The following C8B variants were observed in gnomAD, a reference collection of about 807,000 sequenced individuals.
C8B encodes complement C8 beta chain, also known as complement component C8 beta chain.
C8B carries 67 observed loss-of-function variants against 64.6 expected under a neutral mutation model. That is an observed-to-expected ratio of 1.04 (90% confidence interval 0.85 to 1.27). The LOEUF (loss-of-function observed/expected upper bound fraction) is 1.27. Ranked by LOEUF, C8B falls within the 50% of genes most tolerant of loss-of-function variation. The pLI is 0.00. For synonymous variants in C8B, 284 were observed against 257.7 expected (o/e 1.10, Z -0.98); for missense variants, 790 against 725.2 (o/e 1.09, Z -1.03).
intron 11 of C8B, 76 bp from the exon 12 acceptor site, chr1:56,929,634 T>C: frequency 2.1e-6 from 3 of 1,448,160 alleles, no homozygotes; most frequent in Non-Finnish European, 2.9e-6. Context: ...GGGTGAGCTA[T>C]GTAAGCCAAA....
At chr1:56,960,656 T>A (rs532172148) in intron 1 of C8B, among the ~76,000 whole-genome samples, 1 of 152,182 alleles carries the variant, frequency 6.6e-6, no homozygotes, top group African/African-American at 2.4e-5. Context: ...GCCTGAATCA[T>A]GGCAATGGCC....
At position 56,929,295 on chromosome 1, in the gene C8B, C is replaced by T. The variant is rs1644659799; in HGVS notation, c.*109G>A. 8.8e-7 allele frequency: 1 copy of T among 1,137,734 alleles called. No homozygotes were observed. The highest frequency in any genetic ancestry group is 1.7e-5 in the Admixed American group (1 of 59,278). The allele number at this position is 1,137,734 out of a possible 1,614,324, so 70.5% of individuals were successfully genotyped here. ...TTTTAAACAGCTTGCATGGCACTGC[C>T]TTTTGCCCTTGCATGAACTCCAGGT... On this transcript the variant is annotated 3_prime_UTR_variant, in exon 12 of 12. Coordinates refer to ENST00000371237, the MANE Select transcript of C8B (RefSeq NM_000066.4).
At chr1:56,948,476 A>G (rs961874513) in intron 6 of C8B, among the ~76,000 whole-genome samples, 2 of 152,136 alleles carry the variant, frequency 1.3e-5, no homozygotes, top group African/African-American at 4.8e-5. Flanking sequence ...TAGGAAGAAG[A>G]CATTGCCTTG....
At chr1:56,962,423 G>A (rs1645192297) in intron 1 of C8B, among the ~76,000 whole-genome samples, 1 of 152,146 alleles carries the variant, frequency 6.6e-6, no homozygotes, top group Admixed American at 6.5e-5. Context: ...CTAACGAGGA[G>A]CCACATAAAT....
chr1:56,943,732 C>T lies in C8B; in HGVS notation c.1198G>A (p.Val400Ile). The T allele has an allele frequency of 6.2e-7, 1 of 1,614,130 alleles. No homozygotes were observed. The highest frequency in any genetic ancestry group is 1.1e-5 in the South Asian group (1 of 91,074). ...TTCAGAATACCTCTGCATTTGCCTA[C>T]AGACACACCCAGACTGACGTAGACC... is the stretch of plus-strand genomic sequence containing the variant. ...EEVYVSLGVS[V>I]GKCRGILNEI... is the part of the protein sequence containing the mutation. Residue 400 changes from valine (V) to isoleucine (I), a missense_variant, in exon 8 of 12, where the codon GTA (valine) becomes ATA (isoleucine). Coordinates refer to ENST00000371237, the MANE Select transcript of C8B (RefSeq NM_000066.4).
chr1:56,950,629 C>T (rs764264184), intron 5 of C8B, among the ~76,000 whole-genome samples: 7 of 152,100 alleles, frequency 4.6e-5, no homozygotes, highest in South Asian at 2.1e-4. Context: ...AGGAGCAGTT[C>T]GGACATGGTC....
At chr1:56,954,968 T>A (rs752567306) in intron 3 of C8B, 141 bp from the exon 4 acceptor site, 1 of 956,560 alleles carries the variant, frequency 1.0e-6, no homozygotes, top group African/African-American at 1.6e-5. Context: ...TGTATCCAGA[T>A]AGATTGGTTA....
At chr1:56,950,777 G>A (rs1245476655) in intron 5 of C8B, among the ~76,000 whole-genome samples, 1 of 152,238 alleles carries the variant, frequency 6.6e-6, no homozygotes, top group Non-Finnish European at 1.5e-5. Context: ...CATCAGGCTT[G>A]TTCTGAGGAT....
intron 1 of C8B, among the ~76,000 whole-genome samples, chr1:56,964,831 G>A (rs1280992922): frequency 3.9e-5 from 6 of 152,124 alleles, no homozygotes; most frequent in Admixed American, 2.0e-4. Flanking sequence ...CCTCCATTCC[G>A]GAGACATTTT....
At chr1:56,946,596 A>T (rs1203126579) in intron 6 of C8B, among the ~76,000 whole-genome samples, 1 of 152,220 alleles carries the variant, frequency 6.6e-6, no homozygotes, top group Non-Finnish European at 1.5e-5. Context: ...ACGGTTTACA[A>T]CTGGTGTCAC....
Position 56,941,154 on chromosome 1 carries a change from C to T in C8B, c.1235-142G>A, listed in dbSNP as rs957637537. The T allele has an allele frequency of 2.9e-5, 27 of 940,408 alleles. No homozygotes were observed. The Admixed American group carries it at 4.4e-4, about 15-fold the overall frequency. 58.3% of individuals were successfully genotyped at this position (940,408 alleles called of 1,614,324 possible). A position where few individuals can be genotyped will look rare whatever the true frequency, so the allele number is the denominator to read the frequency against. ...TGGGTGGACCAGACACTTCCTTGTCCACAGGGCAGTCATGGTGCATGGGGC... is the reference window on the plus strand; with the variant it reads ...TGGGTGGACCAGACACTTCCTTGTCTACAGGGCAGTCATGGTGCATGGGGC... On this transcript the variant is annotated intron_variant, in intron 8 of 11. Coordinates refer to ENST00000371237, the MANE Select transcript of C8B (RefSeq NM_000066.4).
intron 4 of C8B, among the ~76,000 whole-genome samples, 193 bp downstream of exon 4, chr1:56,954,493 T>TTGTTATTGCATTCTTATCAAATCCCTG (rs1645072219): frequency 6.6e-6 from 1 of 152,138 alleles, no homozygotes; most frequent in East Asian, 1.9e-4. Context: ...CCTATATCTG[T>TTGTTATTGCATTCTTATCAAATCCCTG]CCATGGGACG....
At chr1:56,947,919 A>C (rs145392333) in intron 6 of C8B, among the ~76,000 whole-genome samples, 1 of 151,352 alleles carries the variant, frequency 6.6e-6, no homozygotes, top group African/African-American at 2.4e-5. Flanking sequence ...CAACAGAGCA[A>C]GACTCTGTCT....
chr1:56,945,848 T>C lies in C8B; in HGVS notation c.1078A>G (p.Met360Val), dbSNP rs1008727721. ...CCTCTCTCCATGGCCTCTTTGTTCA[T>C]AACGAGGGTGTATTCATAAATGCCC... ...LGGIYEYTLV[M>V]NKEAMERGDY... Residue 360 changes from methionine (M) to valine (V), a missense_variant, in exon 7 of 12, where the codon ATG becomes GTG. Transcript: ENST00000371237. 1 of 1,613,994 alleles carries C rather than the reference T, an allele frequency of 6.2e-7. No individual in the cohort carries two copies. Among genetic ancestry groups the C allele is most frequent in the Non-Finnish European group, 8.5e-7 (1 of 1,180,006 alleles).
intron 11 of C8B, 43 bp from the exon 12 acceptor site, chr1:56,929,601 T>C (rs1240653897): frequency 1.3e-6 from 2 of 1,595,884 alleles, no homozygotes; most frequent in South Asian, 2.2e-5. Context: ...GCACTTCTTA[T>C]ATTCTGGTGC....
intron 8 of C8B, among the ~76,000 whole-genome samples, chr1:56,943,488 C>T (rs1179705716): frequency 6.6e-6 from 1 of 152,092 alleles, no homozygotes; most frequent in Non-Finnish European, 1.5e-5. Context: ...GATTATATTC[C>T]ATTCATATAA....
rs1010663263 is a variant in C8B at position 56,966,014 on chromosome 1, C to G, written c.-66G>C. 2.1e-5 allele frequency: 34 copies of G among 1,610,754 alleles called. No individual in the cohort carries two copies. The highest frequency in any genetic ancestry group is 2.9e-5 in the Non-Finnish European group (34 of 1,179,248). ...CCATAACAAGCCTGTGCTGTGAGTG[C>G]CACTGTCAGCTTCTGTCCCCAAGAG... is the stretch of plus-strand genomic sequence containing the variant. On this transcript the variant is annotated 5_prime_UTR_variant, in exon 1 of 12. Transcript: ENST00000371237.
intron 3 of C8B, among the ~76,000 whole-genome samples, chr1:56,955,575 T>C (rs1645090874): frequency 6.6e-6 from 1 of 152,210 alleles, no homozygotes. Context: ...TCTTGGAGTG[T>C]TAAAAGCAGA....
chr1:56,957,814 AG>A (rs1645123897), intron 2 of C8B, among the ~76,000 whole-genome samples: 1 of 152,132 alleles, frequency 6.6e-6, no homozygotes, highest in Non-Finnish European at 1.5e-5. Context: ...GTGCCATGAC[AG>A]GGGAGGCAGA....
Sources: gnomAD v4.1 joint callset for allele counts (sites outside exome capture counted in the v4.1 genomes callset) on GRCh38, gnomAD v4.1.1 for gene constraint, MANE v1.5 for transcripts, NCBI Gene and HGNC (gene_info 2026-07-23, HGNC 2026-07-21) for gene names.